KCNIP3: variants seen among roughly 807,000 people sequenced by gnomAD.
KCNIP3 encodes calsenilin.
A neutral mutation model predicts 35.0 loss-of-function variants in KCNIP3; 28 were observed. The ratio of observed to expected loss-of-function variants is 0.80; its 90% confidence interval spans 0.59 to 1.10. The LOEUF (loss-of-function observed/expected upper bound fraction) is 1.10, where lower values mean the gene tolerates loss of function less well. KCNIP3 is among the 50% of genes least tolerant of loss of function. The pLI is 0.00. For missense variants in KCNIP3, 295 were observed against 338.4 expected (o/e 0.87, Z 1.01); for synonymous variants, 134 against 133.8 (o/e 1.00, Z -0.01).
At chr2:95,342,074 T>A (rs1420090541) in intron 2 of KCNIP3, among the ~76,000 whole-genome samples, 2 of 152,008 alleles carry the variant, frequency 1.3e-5, no homozygotes, top group African/African-American at 4.8e-5. Context: ...GGAAAAGTGT[T>A]CACAGTTCAC....
intron 1 of KCNIP3, among the ~76,000 whole-genome samples, chr2:95,308,155 C>T (rs1313265043): frequency 3.9e-5 from 6 of 152,148 alleles, no homozygotes; most frequent in Admixed American, 3.9e-4. Flanking sequence ...ATAGCGTGTG[C>T]ACATAGGGAG....
chr2:95,348,944 T>G (rs1295853291), intron 2 of KCNIP3, among the ~76,000 whole-genome samples: 1 of 152,206 alleles, frequency 6.6e-6, no homozygotes, highest in Non-Finnish European at 1.5e-5. Flanking sequence ...GTGGCAGGCT[T>G]GAACCAGTCA....
chr2:95,355,280 T>G (rs1407873008), intron 2 of KCNIP3: 1 of 152,156 alleles, frequency 6.6e-6, no homozygotes, highest in Non-Finnish European at 1.5e-5. Flanking sequence ...GGAGACTGCA[T>G]GTGTGAGTGT....
chr2:95,382,224 C>T lies in KCNIP3; in HGVS notation c.556-153C>T, dbSNP rs1305639070. Among the ~76,000 whole-genome samples, 2 of 152,178 alleles carry T rather than the reference C, an allele frequency of 1.3e-5. No individual in the cohort carries two copies. Among genetic ancestry groups the T allele is most frequent in the Non-Finnish European group, 2.9e-5 (2 of 68,022 alleles). On this transcript the variant is annotated intron_variant, in intron 6 of 8. Coordinates refer to ENST00000295225, the MANE Select transcript of KCNIP3 (RefSeq NM_013434.5). This position sits in a 1 kb window ranked among gnomAD's most constrained non-coding sequence, Gnocchi z 4.5. ...AGAGTCAGAAGCTCGCTCTGGGTGCCCTGGAAGCGGACAGGCTTCTCTCTC... is the reference window on the plus strand; with the variant it reads ...AGAGTCAGAAGCTCGCTCTGGGTGCTCTGGAAGCGGACAGGCTTCTCTCTC...
intron 2 of KCNIP3, among the ~76,000 whole-genome samples, chr2:95,372,206 ACCATCCAT>A (rs139014615): frequency 9.2e-5 from 14 of 151,938 alleles, no homozygotes; most frequent in African/African-American, 2.4e-4. Context: ...AAGGATTCTT[ACCATCCAT>A]CCATCCATCC....
In KCNIP3 at chr2:95,376,185, C is replaced by G. The variant is rs970195783; in HGVS notation, c.447+977C>G. ...TTTGAAATACCAACCCCACAGCACA[C>G]AGAAAACACCCGGTTAGCATGGAGG... is the stretch of plus-strand genomic sequence containing the variant. On this transcript the variant is annotated intron_variant, in intron 5 of 8. Coordinates refer to ENST00000295225, the MANE Select transcript of KCNIP3 (RefSeq NM_013434.5). This position sits in a 1 kb window ranked among gnomAD's most constrained non-coding sequence, Gnocchi z 4.2. 6.6e-6 allele frequency among the ~76,000 whole-genome samples: 1 copy of G among 152,206 alleles called. No homozygotes were observed. Among genetic ancestry groups the G allele is most frequent in the African/African-American group, 2.4e-5 (1 of 41,440 alleles).
chr2:95,347,239 C>A, intron 2 of KCNIP3: 1 of 830,920 alleles, frequency 1.2e-6, no homozygotes, highest in Non-Finnish European at 1.9e-6. Context: ...CCTGGGCCGC[C>A]GCCCCCTCCC....
At chr2:95,353,240 G>A (rs1249183756) in intron 2 of KCNIP3, among the ~76,000 whole-genome samples, 11 of 152,200 alleles carry the variant, frequency 7.2e-5, no homozygotes, top group Admixed American at 7.2e-4. Flanking sequence ...TGCTTTCCAT[G>A]CAGAGAACCT....
intron 2 of KCNIP3, among the ~76,000 whole-genome samples, chr2:95,322,843 C>G (rs1180235467): frequency 1.3e-5 from 2 of 152,236 alleles, no homozygotes; most frequent in African/African-American, 4.8e-5. Context: ...TGGCAGCTCT[C>G]CCTGGCGCTT....
Position 95,382,588 on chromosome 2 carries a change from TC to T in KCNIP3, c.660+111del. The T allele has an allele frequency of 1.4e-6, 1 of 704,242 alleles. No homozygotes were observed. 43.6% of individuals were successfully genotyped at this position (704,242 alleles called of 1,614,324 possible). A position where few individuals can be genotyped will look rare whatever the true frequency, so the allele number is the denominator to read the frequency against. ...GGCTTGCCCCTCTGAGCCTCCCTAC[TC>T]CCCATGAGGAGGTTAAACTTGCCCC... On this transcript the variant is annotated intron_variant, in intron 7 of 8. Transcript: ENST00000295225. The surrounding 1 kb of genome is among the most constrained non-coding windows in gnomAD (Gnocchi z 4.5).
chr2:95,345,322 G>A lies in KCNIP3; in HGVS notation c.182-28974G>A, dbSNP rs559565576. ...AGGTTTCCTCCCCCGTAAAATGGAG[G>A]AAGAGGAAAGCCCACGGGGGGAGCC... is the stretch of plus-strand genomic sequence containing the variant. On this transcript the variant is annotated intron_variant, in intron 2 of 8. Coordinates refer to ENST00000295225, the MANE Select transcript of KCNIP3 (RefSeq NM_013434.5). Among the ~76,000 whole-genome samples, 680 of 152,362 alleles carry A rather than the reference G, an allele frequency of 4.5e-3. 4 individuals are homozygous for A. Among genetic ancestry groups the A allele is most frequent in the South Asian group, 0.021 (100 of 4,828 alleles).
intron 1 of KCNIP3, among the ~76,000 whole-genome samples, chr2:95,306,018 G>A (rs757847883): frequency 2.0e-5 from 3 of 152,168 alleles, no homozygotes; most frequent in Admixed American, 6.5e-5. Flanking sequence ...CAAAAATACC[G>A]TGGTCGGGCT....
chr2:95,310,692 G>T (rs1409832739), intron 2 of KCNIP3, 172 bp downstream of exon 2: 1 of 710,002 alleles, frequency 1.4e-6, no homozygotes. Flanking sequence ...TTCATTGAGT[G>T]CCTGCTTCAC....
At chr2:95,345,200 C>T (rs1305787025) in intron 2 of KCNIP3, among the ~76,000 whole-genome samples, 2 of 152,272 alleles carry the variant, frequency 1.3e-5, no homozygotes, top group African/African-American at 4.8e-5. Context: ...CGGTCATTTC[C>T]CACCAGAAAC....
At position 95,384,069 on chromosome 2, in the gene KCNIP3, A is replaced by G. The variant is rs1424028269; in HGVS notation, c.*20A>G. 6 of 1,612,340 alleles carry G rather than the reference A, an allele frequency of 3.7e-6. No individual in the cohort carries two copies. The South Asian group carries it at 6.6e-5, about 18-fold the overall frequency. ...ATCTAGGACACGTCCAAAGGAGTGC[A>G]TGGCCACAGCCACCTCCACCCCCAA... is the stretch of plus-strand genomic sequence containing the variant. On this transcript the variant is annotated 3_prime_UTR_variant, in exon 9 of 9. Coordinates refer to ENST00000295225, the MANE Select transcript of KCNIP3 (RefSeq NM_013434.5).
rs377343862 is a variant in KCNIP3 at position 95,330,294 on chromosome 2, G to C, written c.181+19774G>C. On this transcript the variant is annotated intron_variant, in intron 2 of 8. Transcript: ENST00000295225. ...CCAGACCTCCCCTGCCAAGGGCTGG[G>C]GGTGGAGGTGAAGCCAAATCAATAT... Among the ~76,000 whole-genome samples the C allele has an allele frequency of 1.8e-4, 27 of 152,332 alleles. No individual in the cohort carries two copies. The East Asian group carries it at 5.2e-3, about 29-fold the overall frequency.
chr2:95,368,343 A>G (rs1362223203), intron 2 of KCNIP3, among the ~76,000 whole-genome samples: 2 of 152,124 alleles, frequency 1.3e-5, no homozygotes, highest in Admixed American at 6.5e-5. Flanking sequence ...ATCCAACAGC[A>G]TAAGAATGAC....
At chr2:95,330,785 G>T (rs1387453424) in intron 2 of KCNIP3, among the ~76,000 whole-genome samples, 7 of 152,196 alleles carry the variant, frequency 4.6e-5, no homozygotes, top group Admixed American at 4.6e-4. Context: ...TGAAGCCGTG[G>T]GTCTCCTTGC....
intron 2 of KCNIP3, chr2:95,347,230 C>G: frequency 2.1e-6 from 2 of 959,894 alleles, no homozygotes; most frequent in Admixed American, 4.7e-5. Flanking sequence ...GAGGAGCGGC[C>G]TGGGCCGCCG....
Sources: gnomAD v4.1 joint callset for allele counts (sites outside exome capture counted in the v4.1 genomes callset) on GRCh38, gnomAD v4.1.1 for gene constraint, Gnocchi (gnomAD v3.1) non-coding constraint, MANE v1.5 for transcripts, NCBI Gene and HGNC (gene_info 2026-07-23, HGNC 2026-07-21) for gene names.